The following LRP1B variants were observed in gnomAD, a reference collection of about 807,000 sequenced individuals.
LRP1B encodes the protein low-density lipoprotein receptor-related protein 1B.
Under a neutral mutation model 556.6 loss-of-function variants are expected in LRP1B, and 217 were observed. The observed-to-expected ratio is 0.39, with a 90% CI of 0.35 to 0.44. The LOEUF (loss-of-function observed/expected upper bound fraction) is 0.44, where lower values mean the gene tolerates loss of function less well. Among genes scored for constraint, LRP1B ranks in the 20% least tolerant of loss-of-function variants. LRP1B has a pLI of 1.00. For missense variants in LRP1B, 5,053 were observed against 5,620.8 expected (o/e 0.90, Z 3.23); for synonymous variants, 2,047 against 1,865.8 (o/e 1.10, Z -2.50).
intron 7 of LRP1B, among the ~76,000 whole-genome samples, chr2:141,081,483 G>A (rs1011556341): frequency 2.0e-5 from 3 of 152,182 alleles, no homozygotes; most frequent in African/African-American, 7.2e-5. Context: ...GTTTCATAGG[G>A]TGCTCTTTCT....
At chr2:141,852,857 A>T (rs767498396) in intron 1 of LRP1B, among the ~76,000 whole-genome samples, 11 of 151,664 alleles carry the variant, frequency 7.3e-5, no homozygotes, top group Non-Finnish European at 1.5e-4. Flanking sequence ...GTTTTTAAAA[A>T]ATCTAACAGG....
At chr2:140,624,107 G>T (rs1043525514) in intron 41 of LRP1B, among the ~76,000 whole-genome samples, 55 of 151,910 alleles carry the variant, frequency 3.6e-4, no homozygotes, top group African/African-American at 1.3e-3. Context: ...ATTTAGCTAT[G>T]ACTGAACCCA....
intron 1 of LRP1B, among the ~76,000 whole-genome samples, chr2:141,834,486 G>A (rs879548729): frequency 6.6e-6 from 1 of 151,902 alleles, no homozygotes; most frequent in Admixed American, 6.6e-5. Flanking sequence ...AGCTGTTTCT[G>A]GTGCAGGTGT....
chr2:142,124,216 A>G (rs1412465585), intron 1 of LRP1B, among the ~76,000 whole-genome samples: 1 of 151,796 alleles, frequency 6.6e-6, no homozygotes, highest in African/African-American at 2.4e-5. Context: ...GTAGACCCCA[A>G]TCATGTTGAG....
chr2:140,482,982 T>C (rs1015848812), intron 59 of LRP1B, among the ~76,000 whole-genome samples: 1 of 152,206 alleles, frequency 6.6e-6, no homozygotes, highest in Admixed American at 6.5e-5. Context: ...CATAATATTT[T>C]ATACAGTTAT....
At chr2:140,817,995 C>A (rs1220046962) in intron 31 of LRP1B, among the ~76,000 whole-genome samples, 1 of 152,026 alleles carries the variant, frequency 6.6e-6, no homozygotes, top group Non-Finnish European at 1.5e-5. Context: ...TCCTGGGCCT[C>A]AGTATTTTTA....
At chr2:140,429,281 C>T (rs1316470720) in intron 66 of LRP1B, among the ~76,000 whole-genome samples, 1 of 152,194 alleles carries the variant, frequency 6.6e-6, no homozygotes, top group East Asian at 1.9e-4. Flanking sequence ...AGGATCTGTG[C>T]CTTATCAACC....
intron 1 of LRP1B, among the ~76,000 whole-genome samples, chr2:142,110,467 G>A (rs973494161): frequency 1.3e-5 from 2 of 152,072 alleles, no homozygotes; most frequent in African/African-American, 4.8e-5. Context: ...CAGCAAGAGA[G>A]CAGTCATGAT....
In LRP1B at chr2:140,345,915, A is replaced by G. The variant is rs983800053; in HGVS notation, c.11892+4882T>C. 4.1e-5 allele frequency among the ~76,000 whole-genome samples: 6 copies of G among 148,000 alleles called. No homozygotes were observed. The East Asian group carries it at 1.2e-3, about 29-fold the overall frequency. ...ATTACTTCTTTCTCATCTCAGCTCA[A>G]ATCTCCTCTCTTCAAATTGGCCTTT... is the stretch of plus-strand genomic sequence containing the variant. On this transcript the variant is annotated intron_variant, in intron 77 of 90. Transcript: ENST00000389484.
At chr2:141,544,356 T>TTC (rs1553533230) in intron 2 of LRP1B, among the ~76,000 whole-genome samples, 1 of 96,758 alleles carries the variant, frequency 1.0e-5, no homozygotes, top group African/African-American at 3.6e-5. Flanking sequence ...CTTCTTCTTC[T>TTC]TCTTCTTCTT....
chr2:141,144,038 G>T (rs922827575), intron 7 of LRP1B, among the ~76,000 whole-genome samples: 1 of 151,660 alleles, frequency 6.6e-6, no homozygotes, highest in African/African-American at 2.4e-5. Context: ...AAAAATTGAG[G>T]GTTTTATATT....
rs143182627 is a variant in LRP1B at position 141,815,001 on chromosome 2, A to G, written c.83-4600T>C. Among the ~76,000 whole-genome samples the G allele has an allele frequency of 6.6e-4, 101 of 152,260 alleles. 1 individual carries two copies. Among genetic ancestry groups the G allele is most frequent in the Middle Eastern group, 3.4e-3 (1 of 294 alleles). On this transcript the variant is annotated intron_variant, in intron 1 of 90. Transcript: ENST00000389484. Reference sequence around the variant, plus strand: ...TTTACTAAAGTTATGTGAAATTCTGATAACTGAATCACTCATGATAAAGTT... The same window carrying G: ...TTTACTAAAGTTATGTGAAATTCTGGTAACTGAATCACTCATGATAAAGTT...
intron 27 of LRP1B, among the ~76,000 whole-genome samples, chr2:140,859,982 G>A (rs1230114922): frequency 2.0e-5 from 3 of 152,048 alleles, no homozygotes; most frequent in Admixed American, 6.5e-5. Flanking sequence ...GTGAAAGAGC[G>A]AGACTCCATC....
chr2:140,475,463 T>TGATGATCA (rs1687936398), intron 59 of LRP1B, 126 bp from the exon 60 acceptor site: 1 of 607,274 alleles, frequency 1.6e-6, no homozygotes, highest in African/African-American at 1.9e-5. Flanking sequence ...TTGCAGCTTT[T>TGATGATCA]AAGAAACATC....
In LRP1B at chr2:141,519,360, GATATAT is replaced by G. The variant is rs60473210; in HGVS notation, c.206-38833_206-38828del. 2.3e-3 allele frequency among the ~76,000 whole-genome samples: 160 copies of G among 68,296 alleles called. 1 individual carries two copies. The highest frequency in any genetic ancestry group is 7.3e-3 in the African/African-American group (129 of 17,666). 44.8% of individuals were successfully genotyped at this position (68,296 alleles called of 152,430 possible). A position where few individuals can be genotyped will look rare whatever the true frequency, so the allele number is the denominator to read the frequency against. ...CACCATGTGTGGGGCTTAAGTCAAT[GATATAT>G]ATATATATATATATATATATATATA... is the stretch of plus-strand genomic sequence containing the variant. On this transcript the variant is annotated intron_variant, in intron 2 of 90. Transcript: ENST00000389484.
At chr2:140,724,210 C>T (rs922437592) in intron 35 of LRP1B, among the ~76,000 whole-genome samples, 1 of 152,114 alleles carries the variant, frequency 6.6e-6, no homozygotes, top group Non-Finnish European at 1.5e-5. Flanking sequence ...TTTGTCTGGG[C>T]ACAGTGGCTC....
At chr2:140,891,752 G>A (rs1338746766) in intron 23 of LRP1B, among the ~76,000 whole-genome samples, 1 of 152,122 alleles carries the variant, frequency 6.6e-6, no homozygotes, top group Non-Finnish European at 1.5e-5. Flanking sequence ...ATAGAATGAA[G>A]GCCAGGGTGA....
At chr2:141,661,088 G>A (rs1316457241) in intron 2 of LRP1B, among the ~76,000 whole-genome samples, 1 of 152,062 alleles carries the variant, frequency 6.6e-6, no homozygotes, top group East Asian at 1.9e-4. Context: ...GATGGAAGAG[G>A]GACCTGACTG....
At chr2:141,446,853 T>C (rs2105014394) in intron 3 of LRP1B, among the ~76,000 whole-genome samples, 1 of 152,302 alleles carries the variant, frequency 6.6e-6, no homozygotes, top group South Asian at 2.1e-4. Context: ...TGTTTTTTCC[T>C]TCATTTCAAT....
Sources: gnomAD v4.1 joint callset for allele counts (sites outside exome capture counted in the v4.1 genomes callset) on GRCh38, gnomAD v4.1.1 for gene constraint, MANE v1.5 for transcripts, NCBI Gene and HGNC (gene_info 2026-07-23, HGNC 2026-07-21) for gene names.